FTCD: variants seen among roughly 807,000 people sequenced by gnomAD.
FTCD encodes formimidoyltransferase cyclodeaminase.
FTCD carries 76 observed loss-of-function variants against 62.9 expected under a neutral mutation model. The observed-to-expected ratio is 1.21, with a 90% CI of 1.00 to 1.46. The LOEUF (loss-of-function observed/expected upper bound fraction) is 1.46. Among genes scored for constraint, FTCD ranks in the 40% most tolerant of loss-of-function variants. The pLI, the probability that FTCD is intolerant of heterozygous loss-of-function variation, is 0.00. For missense variants in FTCD, 845 were observed against 751.3 expected (o/e 1.12, Z -1.46); for synonymous variants, 397 against 336.9 (o/e 1.18, Z -1.95).
At chr21:46,146,182 C>G in intron 8 of FTCD, 84 bp downstream of exon 8, 2 of 1,006,600 alleles carry the variant, frequency 2.0e-6, no homozygotes, top group Non-Finnish European at 3.1e-6. Context: ...AGCCGGGTCT[C>G]CACGCAGGGA....
At chr21:46,136,318 G>T, downstream of FTCD, 1 of 830,264 alleles carries the variant, frequency 1.2e-6, no homozygotes, top group South Asian at 1.7e-5. Flanking sequence ...AGGCTGGCTG[G>T]GCAGGGAGCT....
downstream of FTCD, chr21:46,136,616 G>A (rs956392306): frequency 4.0e-6 from 6 of 1,506,436 alleles, no homozygotes; most frequent in East Asian, 2.5e-5. Flanking sequence ...GGCTGCACTG[G>A]GTGTCTGGGG....
rs1376249065 is a variant in FTCD at position 46,152,999 on chromosome 21, G to A, written c.275C>T (p.Pro92Leu). Residue 92 changes from proline to leucine, a missense_variant, in exon 3 of 14, where the codon CCC becomes CTC. Transcript: ENST00000397746. ...HPRMGALDVC[P>L]FIPVRGVSVD... is the part of the protein sequence containing the mutation. Reference sequence around the variant, plus strand: ...GCTGACGCCCCTCACGGGGATGAAGGGGCAGACGTCTAGGGCCCCCATGCG... The same window carrying A: ...GCTGACGCCCCTCACGGGGATGAAGAGGCAGACGTCTAGGGCCCCCATGCG... The A allele has an allele frequency of 2.6e-6, 4 of 1,550,962 alleles. No individual in the cohort carries two copies. The highest frequency in any genetic ancestry group is 4.9e-5 in the East Asian group (2 of 41,146).
intron 10 of FTCD, among the ~76,000 whole-genome samples, chr21:46,139,390 T>C (rs987355773): frequency 2.6e-5 from 4 of 152,168 alleles, no homozygotes; most frequent in Non-Finnish European, 5.9e-5. Flanking sequence ...TGGCCTTTCC[T>C]AGGTGCTCAT....
chr21:46,153,190 C>T (rs1299302962), intron 2 of FTCD, among the ~76,000 whole-genome samples, 155 bp from the exon 3 acceptor site: 1 of 152,162 alleles, frequency 6.6e-6, no homozygotes, highest in Admixed American at 6.5e-5. Context: ...AGGAGGCCGG[C>T]CCTGGGCGCT....
At chr21:46,138,072 G>C (rs562022884) in intron 12 of FTCD, among the ~76,000 whole-genome samples, 87 of 152,182 alleles carry the variant, frequency 5.7e-4, no homozygotes, top group Non-Finnish European at 5.7e-4. Flanking sequence ...TGTATCTATT[G>C]TACAGCCAGG....
chr21:46,136,722 A>C, downstream of FTCD: 4 of 1,475,982 alleles, frequency 2.7e-6, no homozygotes, highest in Non-Finnish European at 3.6e-6. Flanking sequence ...CTCCTGCCCC[A>C]AGACCCGCAG....
chr21:46,136,735 C>T, downstream of FTCD: 1 of 1,481,080 alleles, frequency 6.8e-7, no homozygotes, highest in Non-Finnish European at 9.0e-7. Context: ...ACCCGCAGCT[C>T]AGCTCTCAGC....
rs779080738 is a variant in FTCD, at chr21:46,151,856, C to T, written c.456+36G>A. ...AGCCAGGACAAAGGGGCAGGTCCAC[C>T]TCCTTCCCAGGCCCGACCGCCCGGG... On this transcript the variant is annotated intron_variant, in intron 4 of 13. Transcript: ENST00000397746. 1.1e-5 allele frequency: 17 copies of T among 1,556,860 alleles called. No homozygotes were observed. The South Asian group carries it at 1.2e-4, about 11-fold the overall frequency.
chr21:46,138,748 T>G, intron 11 of FTCD, 102 bp from the exon 12 acceptor site: 1 of 1,463,818 alleles, frequency 6.8e-7, no homozygotes, highest in Non-Finnish European at 9.5e-7. Context: ...AAGCGGGCGA[T>G]GGGAAGTCAT....
chr21:46,136,812 GACT>G lies in FTCD; in HGVS notation c.*172_*174del. On this transcript the variant is annotated 3_prime_UTR_variant, in exon 14 of 14. Coordinates refer to ENST00000397746, the MANE Select transcript of FTCD (RefSeq NM_206965.2). The stretch of plus-strand genomic sequence containing the variant: ...CAAAACTTTACTGGAGGTCACATGG[GACT>G]AGGGGCCTTCTGTCCCTGCCAGCGC... The G allele has an allele frequency of 6.5e-7, 1 of 1,545,892 alleles. No homozygotes were observed. The highest frequency in any genetic ancestry group is 2.4e-5 in the East Asian group (1 of 40,896).
At chr21:46,153,112 C>T (rs1452543203) in intron 2 of FTCD, 77 bp from the exon 3 acceptor site, 1 of 1,440,218 alleles carries the variant, frequency 6.9e-7, no homozygotes, top group Non-Finnish European at 9.3e-7. Flanking sequence ...CTCGGACCCT[C>T]TGTCCTCTCC....
In FTCD at chr21:46,138,900, G is replaced by T; in HGVS notation, c.1284C>A (p.Asn428Lys). ...AYLEAMRLPK[N>K]TPEEKDRRTA... is the part of the protein sequence containing the mutation. Reference sequence around the variant, plus strand: ...CTCACCTGTCCTTTTCCTCAGGTGTGTTCTTGGGGAGCCTCATTGCTTCCT... The same window carrying T: ...CTCACCTGTCCTTTTCCTCAGGTGTTTTCTTGGGGAGCCTCATTGCTTCCT... The change falls in exon 11 of 14, where the codon AAC becomes AAA. Residue 428 changes from asparagine (N) to lysine (K), a missense_variant. Physicochemically the swap from Asn to Lys is moderately conservative, Grantham distance 94. Coordinates refer to ENST00000397746, the MANE Select transcript of FTCD (RefSeq NM_206965.2). The T allele has an allele frequency of 6.2e-7, 1 of 1,613,152 alleles. No individual in the cohort carries two copies. Among genetic ancestry groups the T allele is most frequent in the Non-Finnish European group, 8.5e-7 (1 of 1,179,266 alleles).
intron 1 of FTCD, among the ~76,000 whole-genome samples, chr21:46,154,698 G>A (rs2079389342): frequency 6.6e-6 from 1 of 152,252 alleles, no homozygotes; most frequent in Admixed American, 6.5e-5. Flanking sequence ...CCCGAGCAGG[G>A]GAGGGACAGA....
chr21:46,136,592 C>A, downstream of FTCD: 1 of 1,540,620 alleles, frequency 6.5e-7, no homozygotes, highest in Non-Finnish European at 8.8e-7. Flanking sequence ...ATACCTGTGA[C>A]CCTGCCCACT....
intron 10 of FTCD, 162 bp from the exon 11 acceptor site, chr21:46,139,085 C>T: frequency 1.5e-6 from 1 of 673,388 alleles, no homozygotes; most frequent in Non-Finnish European, 2.7e-6. Flanking sequence ...CCCTTAGCAT[C>T]AGGCTTGGTG....
chr21:46,155,384 G>T, intron 1 of FTCD, 86 bp downstream of exon 1: 1 of 1,153,494 alleles, frequency 8.7e-7, no homozygotes, highest in Admixed American at 1.8e-5. Flanking sequence ...GGGACACCAA[G>T]CCCACCACCT....
intron 3 of FTCD, chr21:46,152,445 G>A (rs940299084): frequency 1.1e-4 from 22 of 200,696 alleles, no homozygotes; most frequent in South Asian, 3.5e-4. Context: ...CCTGCATGCC[G>A]GCGTGACCGT....
At position 46,154,319 on chromosome 21, in the gene FTCD, A is replaced by G; in HGVS notation, c.68T>C (p.Ile23Thr). 1 of 1,610,398 alleles carries G rather than the reference A, an allele frequency of 6.2e-7. No homozygotes were observed. The change falls in exon 2 of 14, where the codon ATC becomes ACC. Residue 23 changes from isoleucine to threonine, a missense_variant. Physicochemically the swap from Ile to Thr is moderately conservative, Grantham distance 89. Transcript: ENST00000397746. The part of the protein sequence containing the change: ...EGKNQEVIDA[I>T]SGAITQTPGC... ...CGGGGTCTGTGTGATGGCTCCAGAG[A>G]TGGCGTCGATCACCTGGGACACAGG...
Sources: allele counts gnomAD v4.1 joint callset (sites outside exome capture counted in the v4.1 genomes callset), GRCh38; gene constraint gnomAD v4.1.1; transcripts MANE v1.5; gene names NCBI Gene and HGNC (gene_info 2026-07-23, HGNC 2026-07-21).